IL23R: variants seen among roughly 807,000 people sequenced by gnomAD.
IL23R encodes the protein interleukin-23 receptor.
A neutral mutation model predicts 56.9 loss-of-function variants in IL23R; 34 were observed. The ratio of observed to expected loss-of-function variants is 0.60; its 90% CI spans 0.45 to 0.80. IL23R has a LOEUF of 0.80. IL23R is among the 30% of genes least tolerant of loss of function. IL23R has a pLI of 0.00. For missense variants in IL23R, 635 were observed against 730.0 expected (o/e 0.87, Z 1.50); for synonymous variants, 230 against 249.2 (o/e 0.92, Z 0.73).
At chr1:67,247,269 A>T (rs1475078883) in intron 9 of IL23R, among the ~76,000 whole-genome samples, 2 of 149,000 alleles carry the variant, frequency 1.3e-5, no homozygotes, top group Admixed American at 1.3e-4. Context: ...CCAATTTGCC[A>T]GTCTGTGTCT....
chr1:67,263,133 A>AAACAGGTCACCCAGGCTGGTGCAC (rs1653265758), downstream of IL23R, among the ~76,000 whole-genome samples: 1 of 65,454 alleles, frequency 1.5e-5, no homozygotes, highest in Non-Finnish European at 3.0e-5. Context: ...TTTTTTTTTT[A>AAACAGGTCACCCAGGCTGGTGCAC]ACAGGTCACC....
At chr1:67,232,513 G>C (rs1385445014) in intron 7 of IL23R, among the ~76,000 whole-genome samples, 2 of 152,200 alleles carry the variant, frequency 1.3e-5, no homozygotes, top group Non-Finnish European at 2.9e-5. Flanking sequence ...TGTCAGAACT[G>C]GATGGGAATT....
intron 1 of IL23R, among the ~76,000 whole-genome samples, chr1:67,155,668 G>A (rs574645324): frequency 2.0e-5 from 3 of 152,092 alleles, no homozygotes; most frequent in Non-Finnish European, 4.4e-5. Context: ...TCTCTAAACT[G>A]GTTATCCTAG....
At chr1:67,147,394 A>G (rs1398593452) in intron 1 of IL23R, among the ~76,000 whole-genome samples, 1 of 152,196 alleles carries the variant, frequency 6.6e-6, no homozygotes. Flanking sequence ...TAAGCACAAT[A>G]GAAGGATAGA....
chr1:67,168,116 C>T lies in IL23R; in HGVS notation c.-5C>T. 6.2e-7 allele frequency: 1 copy of T among 1,600,984 alleles called. No individual in the cohort carries two copies. Among genetic ancestry groups the T allele is most frequent in the South Asian group, 1.1e-5 (1 of 90,680 alleles). On this transcript the variant is annotated 5_prime_UTR_variant, in exon 2 of 11. Coordinates refer to ENST00000347310, the MANE Select transcript of IL23R (RefSeq NM_144701.3). Reference sequence around the variant, plus strand: ...GAGGGAAACAGTCTTTTCCTGCTTCCAGACATGAATCAGGTCACTATTCAA... The same window carrying T: ...GAGGGAAACAGTCTTTTCCTGCTTCTAGACATGAATCAGGTCACTATTCAA...
intron 9 of IL23R, among the ~76,000 whole-genome samples, chr1:67,253,466 C>T (rs1210366571): frequency 6.6e-6 from 1 of 152,160 alleles, no homozygotes; most frequent in Non-Finnish European, 1.5e-5. Context: ...TGAGTTTCTC[C>T]TTCTTGCCAT....
At chr1:67,183,183 T>A (rs1384754005) in intron 4 of IL23R, among the ~76,000 whole-genome samples, 1 of 152,234 alleles carries the variant, frequency 6.6e-6, no homozygotes, top group Admixed American at 6.5e-5. Context: ...GTCCTTTTTA[T>A]TCATTAGTAG....
At chr1:67,226,273 C>G (rs1479822905) in intron 7 of IL23R, among the ~76,000 whole-genome samples, 6 of 152,156 alleles carry the variant, frequency 3.9e-5, no homozygotes, top group African/African-American at 1.4e-4. Context: ...AGCTCAGTGC[C>G]CTCTTGGTAC....
At chr1:67,159,963 G>T (rs928993384) in intron 1 of IL23R, among the ~76,000 whole-genome samples, 2 of 152,034 alleles carry the variant, frequency 1.3e-5, no homozygotes, top group African/African-American at 2.4e-5. Flanking sequence ...TCATAAGAAT[G>T]TATAACTTGG....
chr1:67,181,423 AT>A (rs1288947808), intron 3 of IL23R, among the ~76,000 whole-genome samples: 17 of 152,232 alleles, frequency 1.1e-4, no homozygotes, highest in African/African-American at 4.1e-4. Flanking sequence ...AGTTGATCGA[AT>A]TGGCTGCTGA....
At chr1:67,214,140 C>G (rs906181450) in intron 6 of IL23R, among the ~76,000 whole-genome samples, 3 of 152,180 alleles carry the variant, frequency 2.0e-5, no homozygotes, top group Non-Finnish European at 4.4e-5. Context: ...CAGGGATAGC[C>G]ACTGCACTGC....
chr1:67,218,219 G>A (rs894325860), intron 6 of IL23R, among the ~76,000 whole-genome samples: 2 of 151,340 alleles, frequency 1.3e-5, no homozygotes, highest in African/African-American at 4.9e-5. Context: ...ATCCTCCATT[G>A]GATTTCTCAG....
At chr1:67,200,983 C>T (rs1648586481) in intron 5 of IL23R, 86 bp downstream of exon 5, 1 of 1,359,656 alleles carries the variant, frequency 7.4e-7, no homozygotes, top group Non-Finnish European at 1.0e-6. Flanking sequence ...GAAAGAAGTT[C>T]CCCTAAAGTT....
intron 6 of IL23R, among the ~76,000 whole-genome samples, chr1:67,208,148 C>A (rs790629): frequency 0.79 from 119,974 of 152,188 alleles, 47,755 homozygotes; most frequent in East Asian, 0.97. Flanking sequence ...GAAATTTCTA[C>A]GCAGCAAAGC....
intron 7 of IL23R, among the ~76,000 whole-genome samples, chr1:67,232,613 A>C (rs1334081196): frequency 6.6e-6 from 1 of 152,190 alleles, no homozygotes; most frequent in Non-Finnish European, 1.5e-5. Context: ...TGAGGATAAT[A>C]ATATTGTCTG....
chr1:67,238,173 C>A (rs114871562), intron 8 of IL23R, among the ~76,000 whole-genome samples: 3,329 of 151,962 alleles, frequency 0.022, 61 homozygotes, highest in Middle Eastern at 0.041. Context: ...CATGGCAAAA[C>A]CCCATTTTTA....
At chr1:67,188,112 G>A (rs1486819912) in intron 4 of IL23R, among the ~76,000 whole-genome samples, 1 of 152,064 alleles carries the variant, frequency 6.6e-6, no homozygotes, top group Non-Finnish European at 1.5e-5. Flanking sequence ...AAATAGACAT[G>A]GACTTATTTA....
At chr1:67,162,152 A>G (rs1212500833), upstream of IL23R, among the ~76,000 whole-genome samples, 1 of 152,064 alleles carries the variant, frequency 6.6e-6, no homozygotes, top group South Asian at 2.1e-4. Context: ...TTAAAAAAAA[A>G]AAAGTAATGG....
intron 3 of IL23R, among the ~76,000 whole-genome samples, chr1:67,171,882 G>C (rs1409709606): frequency 6.6e-6 from 1 of 152,170 alleles, no homozygotes; most frequent in East Asian, 1.9e-4. Context: ...TGGCTGGGGG[G>C]CCTCTGTCCC....
Sources: gnomAD v4.1 joint callset for allele counts (sites outside exome capture counted in the v4.1 genomes callset) on GRCh38, gnomAD v4.1.1 for gene constraint, MANE v1.5 for transcripts, NCBI Gene and HGNC (gene_info 2026-07-23, HGNC 2026-07-21) for gene names.